Variants in MOCOS observed in about 807,000 individuals in gnomAD.
MOCOS encodes molybdenum cofactor sulfurase, also known as human molybdenum cofactor sulfurase.
Under a neutral mutation model 83.6 loss-of-function variants are expected in MOCOS, and 86 were observed. The ratio of observed to expected loss-of-function variants is 1.03; its 90% CI spans 0.86 to 1.23. The LOEUF is 1.23. MOCOS is among the 50% of genes most tolerant of loss of function. MOCOS has a pLI of 0.00. For synonymous variants in MOCOS, 445 were observed against 434.7 expected (o/e 1.02, Z -0.29); for missense variants, 1,120 against 1,126.9 (o/e 0.99, Z 0.09).
At chr18:36,224,060 TC>T (rs1187462226) in intron 9 of MOCOS, among the ~76,000 whole-genome samples, 1 of 152,194 alleles carries the variant, frequency 6.6e-6, no homozygotes, top group East Asian at 1.9e-4. Context: ...GGATTGGTCT[TC>T]TTATTTCCTT....
At chr18:36,220,242 AG>A (rs1568056730) in intron 9 of MOCOS, 25 bp downstream of exon 9, 5 of 1,613,938 alleles carry the variant, frequency 3.1e-6, no homozygotes, top group Middle Eastern at 1.6e-4. Flanking sequence ...TCATTTTCAC[AG>A]AGCAGCTCCC....
At chr18:36,265,499 G>C (rs1321717264) in intron 13 of MOCOS, among the ~76,000 whole-genome samples, 1 of 152,154 alleles carries the variant, frequency 6.6e-6, no homozygotes, top group African/African-American at 2.4e-5. Context: ...GTATTTGCCC[G>C]TGAGTGAGCT....
chr18:36,187,898 G>A lies in MOCOS; in HGVS notation c.142+217G>A, dbSNP rs2091348007. 3.3e-5 allele frequency among the ~76,000 whole-genome samples: 5 copies of A among 152,220 alleles called. No individual in the cohort carries two copies. The South Asian group carries it at 8.3e-4, about 25-fold the overall frequency. ...GCTACTCTTACTCTTCCGACTTTCC[G>A]GTGGGCAGGACCAACCTAGCCGTCT... On this transcript the variant is annotated intron_variant, in intron 1 of 14. Transcript: ENST00000261326.
chr18:36,209,067 T>C (rs2091444833), intron 6 of MOCOS, among the ~76,000 whole-genome samples: 1 of 152,264 alleles, frequency 6.6e-6, no homozygotes, highest in Non-Finnish European at 1.5e-5. Context: ...TTTTTGTTTT[T>C]AGTTCTGTTT....
At chr18:36,228,508 G>T (rs1465305765) in intron 9 of MOCOS, among the ~76,000 whole-genome samples, 1 of 152,120 alleles carries the variant, frequency 6.6e-6, no homozygotes, top group Non-Finnish European at 1.5e-5. Flanking sequence ...TCATAAAAAA[G>T]AATGAGATAA....
chr18:36,241,906 G>A (rs887625935), intron 9 of MOCOS, among the ~76,000 whole-genome samples: 33 of 152,318 alleles, frequency 2.2e-4, no homozygotes, highest in African/African-American at 6.5e-4. Context: ...GCTGGATTGC[G>A]AGTGGCCAGA....
intron 6 of MOCOS, among the ~76,000 whole-genome samples, chr18:36,211,113 A>C (rs2091454053): frequency 6.6e-6 from 1 of 152,148 alleles, no homozygotes; most frequent in Admixed American, 6.5e-5. Context: ...AAGTGCAGTT[A>C]CGGTTTTTTC....
intron 7 of MOCOS, among the ~76,000 whole-genome samples, chr18:36,214,203 C>G (rs1351856026): frequency 1.5e-5 from 2 of 132,386 alleles, no homozygotes; most frequent in African/African-American, 5.9e-5. Context: ...GAGATTCTGC[C>G]ATTGCACTCC....
chr18:36,216,043 T>A (rs974598912), intron 8 of MOCOS, 66 bp downstream of exon 8: 1 of 1,463,292 alleles, frequency 6.8e-7, no homozygotes, highest in Non-Finnish European at 9.3e-7. Flanking sequence ...TTTGATAAAG[T>A]GAAGAAAAGC....
At chr18:36,218,175 C>T (rs1280557078) in intron 8 of MOCOS, among the ~76,000 whole-genome samples, 3 of 152,154 alleles carry the variant, frequency 2.0e-5, no homozygotes, top group Non-Finnish European at 4.4e-5. Flanking sequence ...TGGGAAACTG[C>T]ACTTCAGAGA....
chr18:36,255,519 C>G (rs1255139901), intron 11 of MOCOS, among the ~76,000 whole-genome samples: 1 of 152,118 alleles, frequency 6.6e-6, no homozygotes, highest in African/African-American at 2.4e-5. Flanking sequence ...TTGTTGGTCC[C>G]TGAGGGAGTG....
chr18:36,188,142 G>C (rs570270809), intron 1 of MOCOS, among the ~76,000 whole-genome samples: 39 of 152,320 alleles, frequency 2.6e-4, no homozygotes, highest in Middle Eastern at 6.8e-3. Flanking sequence ...GGTTGGGACC[G>C]GGAGGCCAAG....
chr18:36,215,976 A>T lies in MOCOS; in HGVS notation c.1796A>T (p.Glu599Val), dbSNP rs748759291. ...LYPIKSCAAF[E>V]VTRWPVGNQG... ...CCAATCAAATCCTGTGCTGCATTTG[A>T]GGTAAGGAATTTCACAGCAGCACAG... Residue 599 changes from glutamate (E) to valine (V), a missense_variant and splice_region_variant, in exon 8 of 15, where the codon GAG (glutamate) becomes GTG (valine). By Grantham distance (121) the Glu-to-Val change is moderately radical. Transcript: ENST00000261326. The T allele has an allele frequency of 6.2e-7, 1 of 1,611,816 alleles. No homozygotes were observed.
At chr18:36,242,361 A>G (rs940380931) in intron 9 of MOCOS, among the ~76,000 whole-genome samples, 1 of 152,200 alleles carries the variant, frequency 6.6e-6, no homozygotes, top group Non-Finnish European at 1.5e-5. Flanking sequence ...CCTGGACTTC[A>G]CTGTCCACAT....
intron 14 of MOCOS, 51 bp downstream of exon 14, chr18:36,266,904 A>G: frequency 7.0e-7 from 1 of 1,422,164 alleles, no homozygotes; most frequent in Non-Finnish European, 9.9e-7. Context: ...TGGTGTTATC[A>G]ATACCAGAAC....
chr18:36,237,349 T>G (rs1568061887), intron 9 of MOCOS, among the ~76,000 whole-genome samples: 1 of 152,046 alleles, frequency 6.6e-6, no homozygotes, highest in African/African-American at 2.4e-5. Context: ...TGAAGGTTGT[T>G]GAATTTTGTC....
At chr18:36,214,244 CAA>C (rs33965546) in intron 7 of MOCOS, among the ~76,000 whole-genome samples, 105 of 91,348 alleles carry the variant, frequency 1.1e-3, no homozygotes, top group Middle Eastern at 6.1e-3. Context: ...AACTCAGTCT[CAA>C]AAAAAAAAAA....
intron 6 of MOCOS, 118 bp downstream of exon 6, chr18:36,205,394 T>G (rs983424146): frequency 1.9e-6 from 2 of 1,040,170 alleles, no homozygotes; most frequent in Admixed American, 1.8e-5. Context: ...CTCAGCCACA[T>G]GCCTTTCCAC....
intron 10 of MOCOS, among the ~76,000 whole-genome samples, chr18:36,250,138 T>C (rs963316457): frequency 1.3e-5 from 2 of 152,152 alleles, no homozygotes; most frequent in Non-Finnish European, 2.9e-5. Context: ...CAATTCCCCT[T>C]TCACCCCCGC....
Sources: allele counts gnomAD v4.1 joint callset (sites outside exome capture counted in the v4.1 genomes callset), GRCh38; gene constraint gnomAD v4.1.1; transcripts MANE v1.5; gene names NCBI Gene and HGNC (gene_info 2026-07-23, HGNC 2026-07-21).